The following IGHMBP2 variants were observed in gnomAD, a reference collection of about 807,000 sequenced individuals.
The protein encoded by IGHMBP2 is DNA-binding protein SMUBP-2.
IGHMBP2 carries 81 observed loss-of-function variants against 96.0 expected under a neutral mutation model. The ratio of observed to expected loss-of-function variants is 0.84; its 90% confidence interval spans 0.71 to 1.01. IGHMBP2 has a LOEUF of 1.01. Among genes scored for constraint, IGHMBP2 ranks in the 50% least tolerant of loss-of-function variants. IGHMBP2 has a pLI of 0.00. For missense variants in IGHMBP2, 1,227 were observed against 1,306.3 expected, an observed-to-expected ratio of 0.94 and a Z score of 0.94; for synonymous variants, 557 against 548.9, an observed-to-expected ratio of 1.01 and a Z score of -0.21.
intron 10 of IGHMBP2, 149 bp from the exon 11 acceptor site, chr11:68,934,315 T>C: frequency 1.4e-6 from 1 of 704,666 alleles, no homozygotes. Context: ...CCTGGGGCCC[T>C]GGGACACAGA....
chr11:68,915,165 CCTTTTTT>C, intron 6 of IGHMBP2, 142 bp downstream of exon 6: 3 of 265,074 alleles, frequency 1.1e-5, no homozygotes, highest in Admixed American at 6.2e-5. Context: ...ATTGGGCTGC[CCTTTTTT>C]TTTTTTTTTT....
At position 68,936,926 on chromosome 11, in the gene IGHMBP2, G is replaced by A. The variant is rs950453484; in HGVS notation, c.2446G>A (p.Glu816Lys). Residue 816 changes from glutamate (E) to lysine (K), a missense_variant, in exon 13 of 15, where the codon GAG becomes AAG. Glu to Lys is a moderately conservative substitution (Grantham distance 56, BLOSUM62 1). This residue lies in a region of IGHMBP2 where 703 missense variants were observed against 770.3 expected (regional missense o/e 0.91). Transcript: ENST00000255078. ...QPVPPTPAQTEQPPREQRGPD... is the reference protein window; with the variant it reads ...QPVPPTPAQTKQPPREQRGPD... Reference sequence around the variant, plus strand: ...AGTGCCCCCTACCCCTGCGCAGACAGAGCAGCCTCCCAGGGAGCAGCGTGG... The same window carrying A: ...AGTGCCCCCTACCCCTGCGCAGACAAAGCAGCCTCCCAGGGAGCAGCGTGG... 1 of 1,604,004 alleles carries A rather than the reference G, an allele frequency of 6.2e-7. No individual in the cohort carries two copies. The highest frequency in any genetic ancestry group is 2.2e-5 in the East Asian group (1 of 44,588).
intron 1 of IGHMBP2, among the ~76,000 whole-genome samples, chr11:68,905,637 G>T (rs1452246517): frequency 6.6e-6 from 1 of 152,314 alleles, no homozygotes; most frequent in East Asian, 1.9e-4. Flanking sequence ...ATTTTAGGAG[G>T]ATTTCTTGGG....
chr11:68,908,226 C>T lies in IGHMBP2; in HGVS notation c.338C>T (p.Ser113Leu), dbSNP rs147001168. 1.8e-5 allele frequency: 29 copies of T among 1,613,912 alleles called. No individual in the cohort carries two copies. Among genetic ancestry groups the T allele is most frequent in the Non-Finnish European group, 2.4e-5 (28 of 1,179,966 alleles). The change falls in exon 3 of 15, where the codon TCG (serine) becomes TTG (leucine). Residue 113 changes from serine to leucine, a missense_variant. Ser to Leu is a moderately radical substitution (Grantham distance 145). Around this residue, in one of 3 missense-constraint regions of IGHMBP2, gnomAD observed 507 missense variants for 496.9 expected, o/e 1.02. Coordinates refer to ENST00000255078, the MANE Select transcript of IGHMBP2 (RefSeq NM_002180.3). ...ATCTTGACCCGGGTCACCCAGAAGT[C>T]GGTCACGGTGGCCTTTGATGAGTCC... is the stretch of plus-strand genomic sequence containing the variant. ...TGILTRVTQK[S>L]VTVAFDESHD...
At position 68,935,240 on chromosome 11, in the gene IGHMBP2, A is replaced by C. The variant is rs535705918; in HGVS notation, c.1633-59A>C. The C allele has an allele frequency of 7.0e-4, 1,133 of 1,607,296 alleles. 8 individuals carry two copies. Among genetic ancestry groups the C allele is most frequent in the Non-Finnish European group, 1.5e-4 (176 of 1,177,412 alleles). ...GAGGCCCTCTGCTGAGCTGAAGGGC[A>C]GGGTCTTGCTGCGCTGGCATGGGTG... On this transcript the variant is annotated intron_variant, in intron 11 of 14. Transcript: ENST00000255078.
intron 10 of IGHMBP2, 200 bp from the exon 11 acceptor site, chr11:68,934,264 C>T (rs541827650): frequency 1.2e-5 from 8 of 660,964 alleles, no homozygotes; most frequent in Non-Finnish European, 1.9e-5. Flanking sequence ...AAAAGGCCTT[C>T]ATTGCTGATG....
At position 68,917,859 on chromosome 11, in the gene IGHMBP2, A is replaced by T; in HGVS notation, c.1036A>T (p.Asn346Tyr). 1 of 1,614,144 alleles carries T rather than the reference A, an allele frequency of 6.2e-7. No individual in the cohort carries two copies. The highest frequency in any genetic ancestry group is 8.5e-7 in the Non-Finnish European group (1 of 1,180,012). ...AAMLESLTSA[N>Y]VVLATNTGAS... is the part of the protein sequence containing the mutation. ...TATGCTCGAGAGCCTCACTTCGGCAAACGTGGTCCTTGCAACAAACACAGG... is the reference window on the plus strand; with the variant it reads ...TATGCTCGAGAGCCTCACTTCGGCATACGTGGTCCTTGCAACAAACACAGG... The change falls in exon 7 of 15, where the codon AAC becomes TAC. Residue 346 changes from asparagine to tyrosine, a missense_variant. Asn to Tyr is a moderately radical substitution (Grantham distance 143). Around this residue, in one of 3 missense-constraint regions of IGHMBP2, gnomAD observed 507 missense variants for 496.9 expected, o/e 1.02. Coordinates refer to ENST00000255078, the MANE Select transcript of IGHMBP2 (RefSeq NM_002180.3).
At chr11:68,911,724 C>T in intron 5 of IGHMBP2, 121 bp downstream of exon 5, 1 of 940,332 alleles carries the variant, frequency 1.1e-6, no homozygotes, top group South Asian at 1.3e-5. Context: ...CATTACTGAG[C>T]ATTTATTGAT....
chr11:68,917,834 T>C lies in IGHMBP2; in HGVS notation c.1011T>C (p.Ala337=). 6.2e-7 allele frequency: 1 copy of C among 1,614,140 alleles called. No individual in the cohort carries two copies. Among genetic ancestry groups the C allele is most frequent in the Non-Finnish European group, 8.5e-7 (1 of 1,180,000 alleles). The part of the protein sequence containing the change: ...RKELKEREEA[A]MLESLTSANV... ...AACTGAAGGAGAGGGAAGAAGCAGCTATGCTCGAGAGCCTCACTTCGGCAA... is the reference window on the plus strand; with the variant it reads ...AACTGAAGGAGAGGGAAGAAGCAGCCATGCTCGAGAGCCTCACTTCGGCAA... Residue 337 remains alanine, a synonymous_variant, in exon 7 of 15, where the codon GCT becomes GCC. Coordinates refer to ENST00000255078, the MANE Select transcript of IGHMBP2 (RefSeq NM_002180.3).
chr11:68,919,525 T>A (rs1162497659), intron 7 of IGHMBP2, among the ~76,000 whole-genome samples: 1 of 152,234 alleles, frequency 6.6e-6, no homozygotes, highest in African/African-American at 2.4e-5. Flanking sequence ...TACTTTATGG[T>A]CCAGAATCTG....
In IGHMBP2 at chr11:68,936,589, C is replaced by T. The variant is rs371360118; in HGVS notation, c.2109C>T (p.Ala703=). The T allele has an allele frequency of 1.2e-6, 2 of 1,612,704 alleles. No individual in the cohort carries two copies. Among genetic ancestry groups the T allele is most frequent in the Non-Finnish European group, 8.5e-7 (1 of 1,179,246 alleles). Residue 703 remains alanine, a synonymous_variant, in exon 13 of 15, where the codon GCC becomes GCT. Transcript: ENST00000255078. ...AGAAGCCGGCTGGGAAGTCTCTGGCCTCTGAAGCTCCATCTCAGCCCAGCC... is the reference window on the plus strand; with the variant it reads ...AGAAGCCGGCTGGGAAGTCTCTGGCTTCTGAAGCTCCATCTCAGCCCAGCC... ...GRKKPAGKSL[A]SEAPSQPSLN...
chr11:68,905,426 A>T (rs1858151377), intron 1 of IGHMBP2, among the ~76,000 whole-genome samples: 1 of 152,200 alleles, frequency 6.6e-6, no homozygotes, highest in African/African-American at 2.4e-5. Flanking sequence ...CTGAGAATGA[A>T]ACGATCCCCT....
chr11:68,915,165 CCTTTTTTTTTT>C, intron 6 of IGHMBP2, 142 bp downstream of exon 6: 6 of 265,066 alleles, frequency 2.3e-5, no homozygotes, highest in East Asian at 5.2e-5. Flanking sequence ...ATTGGGCTGC[CCTTTTTTTTTT>C]TTTTTTTTTT....
At position 68,936,285 on chromosome 11, in the gene IGHMBP2, C is replaced by G. The variant is rs779182888; in HGVS notation, c.1805C>G (p.Thr602Ser). 6 of 1,614,182 alleles carry G rather than the reference C, an allele frequency of 3.7e-6. No individual in the cohort carries two copies. The highest frequency in any genetic ancestry group is 5.1e-6 in the Non-Finnish European group (6 of 1,180,010). ...AEDRRINVAV[T>S]RARRHVAVIC... ...GACCGGAGGATCAACGTGGCTGTCACCCGTGCCCGACGCCACGTGGCGGTC... is the reference window on the plus strand; with the variant it reads ...GACCGGAGGATCAACGTGGCTGTCAGCCGTGCCCGACGCCACGTGGCGGTC... The change falls in exon 13 of 15, where the codon ACC becomes AGC. Residue 602 changes from threonine (T) to serine (S), a missense_variant. Physicochemically the swap from Thr to Ser is moderately conservative, Grantham distance 58 (BLOSUM62 1). Coordinates refer to ENST00000255078, the MANE Select transcript of IGHMBP2 (RefSeq NM_002180.3).
chr11:68,924,872 C>G (rs182393941), intron 7 of IGHMBP2, among the ~76,000 whole-genome samples: 2 of 152,298 alleles, frequency 1.3e-5, no homozygotes, highest in Non-Finnish European at 2.9e-5. Context: ...AACTAAAGGC[C>G]TGCAGGCCAC....
intron 6 of IGHMBP2, among the ~76,000 whole-genome samples, chr11:68,916,667 G>A (rs1289547799): frequency 2.0e-5 from 3 of 151,886 alleles, no homozygotes; most frequent in Non-Finnish European, 4.4e-5. Flanking sequence ...AGAGGGTGCT[G>A]GGAGCCAGTC....
chr11:68,931,148 C>T (rs1190309262), intron 8 of IGHMBP2, among the ~76,000 whole-genome samples: 1 of 152,194 alleles, frequency 6.6e-6, no homozygotes, highest in Non-Finnish European at 1.5e-5. Flanking sequence ...ATTCATGGCC[C>T]TGGGGCTTGG....
chr11:68,906,254 C>T lies in IGHMBP2; in HGVS notation c.256+16C>T. ...TTTACTTCTGGTGTGTGCGTATTGA[C>T]CTAGACAGACATTGAAATTTACTGG... is the stretch of plus-strand genomic sequence containing the variant. On this transcript the variant is annotated intron_variant, in intron 2 of 14. Coordinates refer to ENST00000255078, the MANE Select transcript of IGHMBP2 (RefSeq NM_002180.3). 13 of 1,613,504 alleles carry T rather than the reference C, an allele frequency of 8.1e-6. No individual in the cohort carries two copies. Among genetic ancestry groups the T allele is most frequent in the Non-Finnish European group, 1.1e-5 (13 of 1,179,594 alleles).
In IGHMBP2 at chr11:68,937,031, A is replaced by C. The variant is rs2154008950; in HGVS notation, c.2551A>C (p.Lys851Gln). 5 of 1,607,758 alleles carry C rather than the reference A, an allele frequency of 3.1e-6. No individual in the cohort carries two copies. Among genetic ancestry groups the C allele is most frequent in the Non-Finnish European group, 4.2e-6 (5 of 1,179,954 alleles). The change falls in exon 13 of 15, where the codon AAG becomes CAG. Residue 851 changes from lysine (K) to glutamine (Q), a missense_variant. Physicochemically the swap from Lys to Gln is moderately conservative, Grantham distance 53. Around this residue, in one of 3 missense-constraint regions of IGHMBP2, gnomAD observed 703 missense variants for 770.3 expected, o/e 0.91. Coordinates refer to ENST00000255078, the MANE Select transcript of IGHMBP2 (RefSeq NM_002180.3). ...GAGCGCGCAGGGGCAGCCCGCCAGC[A>C]AGGAGCAGCAGGCCTCAGGGCAGCA... ...VRSAQGQPASKEQQASGQQKL... is the reference protein window; with the variant it reads ...VRSAQGQPASQEQQASGQQKL...
Sources: allele counts gnomAD v4.1 joint callset (sites outside exome capture counted in the v4.1 genomes callset), GRCh38; gene constraint gnomAD v4.1.1; regional missense constraint gnomAD v4.1.1; transcripts MANE v1.5; gene names NCBI Gene and HGNC (gene_info 2026-07-23, HGNC 2026-07-21).